ENPP1: variants seen among roughly 807,000 people sequenced by gnomAD.
ENPP1 encodes the protein ectonucleotide pyrophosphatase/phosphodiesterase family member 1.
In ENPP1, 73 loss-of-function variants were observed where a neutral mutation model predicts 122.8. The ratio of observed to expected loss-of-function variants is 0.59; its 90% CI spans 0.49 to 0.72. The LOEUF (loss-of-function observed/expected upper bound fraction) is 0.72, where lower values mean the gene tolerates loss of function less well. Among genes scored for constraint, ENPP1 ranks in the 30% least tolerant of loss-of-function variants. The probability of loss-of-function intolerance (pLI) is 0.00; values close to 1 mark genes in which losing one functional copy is unlikely to be tolerated. For synonymous variants in ENPP1, 367 were observed against 391.6 expected, an observed-to-expected ratio of 0.94 and a Z score of 0.74; for missense variants, 978 against 1,128.1, an observed-to-expected ratio of 0.87 and a Z score of 1.91.
chr6:131,879,493 A>C (rs9493116), intron 19 of ENPP1, among the ~76,000 whole-genome samples: 2 of 152,178 alleles, frequency 1.3e-5, no homozygotes, highest in African/African-American at 4.8e-5. Context: ...CATAATTTCA[A>C]TTCTGAACTT....
intron 1 of ENPP1, among the ~76,000 whole-genome samples, chr6:131,829,876 T>C (rs1781588909): frequency 6.6e-6 from 1 of 152,186 alleles, no homozygotes; most frequent in Non-Finnish European, 1.5e-5. Flanking sequence ...GGTAGATACA[T>C]TCTGATTTCT....
intron 1 of ENPP1, chr6:131,826,906 A>AAT (rs1298038010): frequency 2.6e-6 from 1 of 387,240 alleles, no homozygotes; most frequent in Non-Finnish European, 4.9e-6. Flanking sequence ...CTTCAGGTGA[A>AAT]ATACCCAGCA....
intron 1 of ENPP1, among the ~76,000 whole-genome samples, chr6:131,833,267 AG>A (rs761040670): frequency 3.6e-4 from 55 of 152,246 alleles, no homozygotes; most frequent in Non-Finnish European, 6.8e-4. Flanking sequence ...TGGGTAGGAA[AG>A]GGACTCATTG....
intron 3 of ENPP1, 101 bp downstream of exon 3, chr6:131,850,207 T>C (rs1469049356): frequency 9.3e-6 from 8 of 861,230 alleles, no homozygotes; most frequent in Non-Finnish European, 1.6e-5. Flanking sequence ...TTCATTTGAA[T>C]TTTTTTTAGT....
intron 5 of ENPP1, among the ~76,000 whole-genome samples, chr6:131,854,070 T>G (rs1781914655): frequency 6.6e-6 from 1 of 152,168 alleles, no homozygotes. Context: ...ACTTTTGTAT[T>G]AAGTATTTAT....
At chr6:131,814,168 G>A (rs758442383) in intron 1 of ENPP1, among the ~76,000 whole-genome samples, 1 of 152,112 alleles carries the variant, frequency 6.6e-6, no homozygotes, top group Non-Finnish European at 1.5e-5. Flanking sequence ...GATTTCTGGC[G>A]GAGCATAGAG....
intron 1 of ENPP1, among the ~76,000 whole-genome samples, chr6:131,838,390 G>T (rs1204689939): frequency 6.6e-6 from 1 of 152,068 alleles, no homozygotes; most frequent in Non-Finnish European, 1.5e-5. Flanking sequence ...CTGCTATCAG[G>T]AAGAATCTAA....
At chr6:131,867,128 A>G (rs1782101413) in intron 11 of ENPP1, among the ~76,000 whole-genome samples, 1 of 152,230 alleles carries the variant, frequency 6.6e-6, no homozygotes, top group Admixed American at 6.5e-5. Context: ...CTGGCACACC[A>G]AAACCCACTT....
intron 1 of ENPP1, among the ~76,000 whole-genome samples, chr6:131,816,776 T>C (rs1229291003): frequency 6.6e-6 from 1 of 152,210 alleles, no homozygotes; most frequent in Non-Finnish European, 1.5e-5. Flanking sequence ...ATAATCATTT[T>C]TGTAGCACTT....
intron 9 of ENPP1, among the ~76,000 whole-genome samples, chr6:131,862,360 C>A (rs1018037489): frequency 2.6e-5 from 4 of 152,084 alleles, no homozygotes; most frequent in Non-Finnish European, 5.9e-5. Context: ...AGAAAAAGAA[C>A]TGTAACTGCC....
At chr6:131,843,933 C>G (rs1269890135) in intron 1 of ENPP1, among the ~76,000 whole-genome samples, 2 of 152,004 alleles carry the variant, frequency 1.3e-5, no homozygotes, top group African/African-American at 4.8e-5. Flanking sequence ...CTGTTTCTAG[C>G]TTCCTGTTGC....
intron 1 of ENPP1, chr6:131,820,532 A>C (rs1781472193): frequency 6.6e-6 from 1 of 152,454 alleles, no homozygotes; most frequent in Non-Finnish European, 1.5e-5. Flanking sequence ...GTATATGAAT[A>C]GGTGCACTCC....
chr6:131,881,785 G>A (rs1489267973), intron 20 of ENPP1, among the ~76,000 whole-genome samples: 3 of 151,870 alleles, frequency 2.0e-5, no homozygotes. Context: ...TGAGGGGGCT[G>A]CAGCGGATGG....
intron 13 of ENPP1, among the ~76,000 whole-genome samples, chr6:131,871,770 G>T (rs879150331): frequency 6.6e-6 from 1 of 152,172 alleles, no homozygotes; most frequent in African/African-American, 2.4e-5. Flanking sequence ...TGGACAGGTG[G>T]ATGGATAGTT....
At chr6:131,861,519 T>C in intron 8 of ENPP1, 76 bp from the exon 9 acceptor site, 1 of 901,600 alleles carries the variant, frequency 1.1e-6, no homozygotes, top group Non-Finnish European at 1.9e-6. Context: ...AATGCATTGG[T>C]GTGGTATGAA....
At chr6:131,851,332 AG>A (rs1473536754) in intron 4 of ENPP1, 65 bp downstream of exon 4, 4 of 1,606,540 alleles carry the variant, frequency 2.5e-6, no homozygotes, top group Non-Finnish European at 3.4e-6. Context: ...GGCTTTACAT[AG>A]GTGTTATCTT....
rs150445285 is a variant in ENPP1 at position 131,851,287 on chromosome 6, C to A, written c.556+20C>A. 3 of 1,614,014 alleles carry A rather than the reference C, an allele frequency of 1.9e-6. No homozygotes were observed. The African/African-American group carries it at 4.0e-5, about 22-fold the overall frequency. On this transcript the variant is annotated intron_variant, in intron 4 of 24. Transcript: ENST00000647893. ...GTCAAGGTCAGGTGCTCGTTGGGCT[C>A]TGCAGCAGCCTGGTATCTTCCAGCG...
intron 11 of ENPP1, 72 bp from the exon 12 acceptor site, chr6:131,867,946 A>C: frequency 2.1e-6 from 2 of 967,052 alleles, no homozygotes; most frequent in Non-Finnish European, 3.3e-6. Flanking sequence ...TTTTTTTAAC[A>C]GAGATAGCTT....
intron 1 of ENPP1, among the ~76,000 whole-genome samples, chr6:131,822,805 G>A (rs1781499023): frequency 6.6e-6 from 1 of 152,062 alleles, no homozygotes; most frequent in African/African-American, 2.4e-5. Flanking sequence ...AGAATTTCTA[G>A]CTTTTTGGTA....
Sources: allele counts gnomAD v4.1 joint callset (sites outside exome capture counted in the v4.1 genomes callset), GRCh38; gene constraint gnomAD v4.1.1; transcripts MANE v1.5; gene names NCBI Gene and HGNC (gene_info 2026-07-23, HGNC 2026-07-21).